CGREF1: variants seen among roughly 807,000 people sequenced by gnomAD.
CGREF1 encodes cell growth regulator with EF hand domain protein 1.
A neutral mutation model predicts 17.4 loss-of-function variants in CGREF1; 16 were observed. That is an observed-to-expected ratio of 0.92 (90% CI 0.62 to 1.40). CGREF1 has a LOEUF of 1.40. Among genes scored for constraint, CGREF1 ranks in the 40% most tolerant of loss-of-function variants. The pLI is 0.00. For missense variants in CGREF1, 296 were observed against 376.4 expected, an observed-to-expected ratio of 0.79 and a Z score of 1.77; for synonymous variants, 142 against 154.6, an observed-to-expected ratio of 0.92 and a Z score of 0.61.
At chr2:27,116,871 T>TTCTCTCTCTCTCCC (rs1671587157) in intron 1 of CGREF1, among the ~76,000 whole-genome samples, 2 of 33,700 alleles carry the variant, frequency 5.9e-5, no homozygotes, top group South Asian at 1.5e-3. Flanking sequence ...GCCAGGCCTA[T>TTCTCTCTCTCTCCC]TCTCTCTCTC....
rs756354883 is a variant in CGREF1, at chr2:27,101,662, T to G, written c.569A>C (p.Glu190Ala). ...ETQEAPGPREEAKGQVEARRE... is the reference protein window; with the variant it reads ...ETQEAPGPREAAKGQVEARRE... The stretch of plus-strand genomic sequence containing the variant: ...TCTGGCCTCTACCTGGCCCTTTGCT[T>G]CTTCTCTGGGACCAGGGGCTTCCTG... Residue 190 changes from glutamate to alanine, a missense_variant, in exon 6 of 6, where the codon GAA becomes GCA. By Grantham distance (107) the Glu-to-Ala change is moderately radical. This residue lies in a region of CGREF1 where 247 missense variants were observed against 267.2 expected (regional missense o/e 0.92). Coordinates refer to ENST00000402394, the MANE Select transcript of CGREF1 (RefSeq NM_006569.6). 6.2e-6 allele frequency: 10 copies of G among 1,614,082 alleles called. No homozygotes were observed. The highest frequency in any genetic ancestry group is 5.3e-5 in the African/African-American group (4 of 74,928).
At chr2:27,101,993 C>T (rs756749795) in intron 5 of CGREF1, 104 bp downstream of exon 5, 39 of 1,558,728 alleles carry the variant, frequency 2.5e-5, no homozygotes, top group African/African-American at 4.1e-5. Context: ...AGCTCTGAGC[C>T]CTCCTTTTAC....
chr2:27,117,035 C>A (rs1181017492), intron 1 of CGREF1, among the ~76,000 whole-genome samples: 1 of 152,032 alleles, frequency 6.6e-6, no homozygotes, highest in Non-Finnish European at 1.5e-5. Context: ...GCCTCAGCCT[C>A]CCAAGTAGCT....
chr2:27,103,082 T>G, intron 2 of CGREF1: 2 of 985,346 alleles, frequency 2.0e-6, no homozygotes, highest in Non-Finnish European at 2.4e-6. Flanking sequence ...GTTCTGGGGT[T>G]TCAAGCTGCT....
chr2:27,100,036 CCT>C, downstream of CGREF1: 1 of 649,768 alleles, frequency 1.5e-6, no homozygotes, highest in Non-Finnish European at 2.7e-6. Context: ...TTCGATCCTC[CCT>C]CTTTGTGTCC....
At chr2:27,101,913 G>C in intron 5 of CGREF1, 25 bp from the exon 6 acceptor site, 2 of 1,604,866 alleles carry the variant, frequency 1.2e-6, no homozygotes, top group Non-Finnish European at 1.7e-6. Context: ...TCACTGTGGG[G>C]TCTCCAGGGA....
chr2:27,102,018 AAG>A, intron 5 of CGREF1, 77 bp downstream of exon 5: 1 of 1,559,054 alleles, frequency 6.4e-7, no homozygotes. Context: ...GACTCACCAA[AAG>A]AGTTATGATG....
rs188844906 is a variant in CGREF1 at position 27,100,690 on chromosome 2, A to G, written c.*584T>C. ...TTTCTTCATCTGTCAAATGGAACCA[A>G]TTCTGCTTGGCTACAGAATTATTGT... On this transcript the variant is annotated 3_prime_UTR_variant, in exon 6 of 6. Coordinates refer to ENST00000402394, the MANE Select transcript of CGREF1 (RefSeq NM_006569.6). 3.5e-5 allele frequency: 39 copies of G among 1,100,190 alleles called. No individual in the cohort carries two copies. The highest frequency in any genetic ancestry group is 3.0e-4 in the East Asian group (5 of 16,702). 68.2% of individuals were successfully genotyped at this position (1,100,190 alleles called of 1,614,324 possible).
intron 1 of CGREF1, among the ~76,000 whole-genome samples, chr2:27,117,787 C>G (rs983140671): frequency 6.7e-6 from 1 of 150,322 alleles, no homozygotes; most frequent in African/African-American, 2.5e-5. Flanking sequence ...CGGCTCACAG[C>G]AAGCTCCGCC....
downstream of CGREF1, chr2:27,099,360 G>T: frequency 5.0e-6 from 8 of 1,612,534 alleles, no homozygotes; most frequent in Non-Finnish European, 5.9e-6. Context: ...CCCTGGAGCT[G>T]GGAGGATGGC....
At position 27,102,566 on chromosome 2, in the gene CGREF1, G is replaced by A; in HGVS notation, c.106C>T (p.Leu36Phe). The stretch of plus-strand genomic sequence containing the variant: ...CCTGGCTGGAAGGGGTTGGGCAGGA[G>A]CTGATGCTGCACTTCAGAGTCTGGC... Reference protein sequence around the residue: ...TRPDSEVQHQLLPNPFQPGQE... With the variant: ...TRPDSEVQHQFLPNPFQPGQE... The change falls in exon 3 of 6, where the codon CTC (leucine) becomes TTC (phenylalanine). Residue 36 changes from leucine (L) to phenylalanine (F), a missense_variant. By Grantham distance (22) the Leu-to-Phe change is conservative. This residue lies in a region of CGREF1 where 247 missense variants were observed against 267.2 expected (regional missense o/e 0.92). Coordinates refer to ENST00000402394, the MANE Select transcript of CGREF1 (RefSeq NM_006569.6). The A allele has an allele frequency of 6.2e-7, 1 of 1,613,494 alleles. No individual in the cohort carries two copies. Among genetic ancestry groups the A allele is most frequent in the Admixed American group, 1.7e-5 (1 of 60,020 alleles).
downstream of CGREF1, chr2:27,100,480 G>A: frequency 7.7e-7 from 1 of 1,290,996 alleles, no homozygotes; most frequent in Non-Finnish European, 1.0e-6. Context: ...GCTGTCCTCA[G>A]GGAGGTCCGA....
intron 1 of CGREF1, among the ~76,000 whole-genome samples, chr2:27,118,410 G>A (rs758617175): frequency 6.6e-6 from 1 of 152,164 alleles, no homozygotes; most frequent in Non-Finnish European, 1.5e-5. Context: ...AAAGGAGACA[G>A]CGGCTACAGG....
At chr2:27,105,384 A>G (rs1671077889) in intron 1 of CGREF1, among the ~76,000 whole-genome samples, 1 of 152,176 alleles carries the variant, frequency 6.6e-6, no homozygotes, top group Non-Finnish European at 1.5e-5. Context: ...GCCAGGATGG[A>G]CTTCCATTTC....
intron 1 of CGREF1, among the ~76,000 whole-genome samples, chr2:27,105,439 A>G: frequency 6.6e-6 from 1 of 152,258 alleles, no homozygotes; most frequent in South Asian, 2.1e-4. Context: ...GCTAATGGGA[A>G]GATAAACAAA....
chr2:27,104,597 A>T, intron 1 of CGREF1: 1 of 1,550,626 alleles, frequency 6.4e-7, no homozygotes, highest in Non-Finnish European at 8.7e-7. Context: ...AAGCACATAA[A>T]GGCAGGCCTG....
At chr2:27,099,578 G>T, downstream of CGREF1, 1 of 1,614,170 alleles carries the variant, frequency 6.2e-7, no homozygotes, top group Non-Finnish European at 8.5e-7. Context: ...CTCTCCCAGG[G>T]TGAGTATGGC....
chr2:27,100,845 G>A lies in CGREF1; in HGVS notation c.*429C>T, dbSNP rs1670778701. 2 of 1,096,022 alleles carry A rather than the reference G, an allele frequency of 1.8e-6. No individual in the cohort carries two copies. The highest frequency in any genetic ancestry group is 2.2e-6 in the Non-Finnish European group (2 of 897,002). 67.9% of individuals were successfully genotyped at this position (1,096,022 alleles called of 1,614,324 possible). A position where few individuals can be genotyped will look rare whatever the true frequency, so the allele number is the denominator to read the frequency against. On this transcript the variant is annotated 3_prime_UTR_variant, in exon 6 of 6. Transcript: ENST00000402394. Reference sequence around the variant, plus strand: ...CCTGAGCTGCAGGAGAGCATGGGGTGTCTGAACACCAGGTGAGGGGGAACC... The same window carrying A: ...CCTGAGCTGCAGGAGAGCATGGGGTATCTGAACACCAGGTGAGGGGGAACC...
chr2:27,099,812 C>T, downstream of CGREF1: 1 of 1,584,340 alleles, frequency 6.3e-7, no homozygotes, highest in African/African-American at 1.3e-5. Flanking sequence ...CGCCTTCTCC[C>T]CTCCATCCAG....
Sources: gnomAD v4.1 joint callset for allele counts (sites outside exome capture counted in the v4.1 genomes callset) on GRCh38, gnomAD v4.1.1 for gene constraint, gnomAD v4.1.1 regional missense constraint, MANE v1.5 for transcripts, NCBI Gene and HGNC (gene_info 2026-07-23, HGNC 2026-07-21) for gene names.